The following CPNE2 variants were observed in gnomAD, a reference collection of about 807,000 sequenced individuals.
CPNE2 encodes the protein copine-2.
A neutral mutation model predicts 69.7 loss-of-function variants in CPNE2; 42 were observed. The ratio of observed to expected loss-of-function variants is 0.60; its 90% CI spans 0.47 to 0.78. The LOEUF (loss-of-function observed/expected upper bound fraction) is 0.78. Among genes scored for constraint, CPNE2 ranks in the 30% least tolerant of loss-of-function variants. The probability of loss-of-function intolerance (pLI) is 0.00; values close to 1 mark genes in which losing one functional copy is unlikely to be tolerated. For missense variants in CPNE2, 587 were observed against 732.0 expected, an observed-to-expected ratio of 0.80 and a Z score of 2.29; for synonymous variants, 294 against 289.8, an observed-to-expected ratio of 1.01 and a Z score of -0.15.
chr16:57,118,195 C>T (rs1335071545), intron 5 of CPNE2, among the ~76,000 whole-genome samples: 3 of 147,824 alleles, frequency 2.0e-5, no homozygotes, highest in Non-Finnish European at 4.5e-5. Context: ...AGACAGAGTC[C>T]TGCTCTGTTG....
At chr16:57,117,833 G>T (rs555501616) in intron 5 of CPNE2, among the ~76,000 whole-genome samples, 1 of 152,058 alleles carries the variant, frequency 6.6e-6, no homozygotes, top group South Asian at 2.1e-4. Flanking sequence ...ACATTCCAAG[G>T]TCCTTACCCA....
intron 5 of CPNE2, 25 bp downstream of exon 5, chr16:57,117,592 C>G: frequency 1.9e-6 from 3 of 1,610,492 alleles, no homozygotes; most frequent in Non-Finnish European, 2.5e-6. Flanking sequence ...GGAAGGGCTC[C>G]CATTGGGAAC....
intron 9 of CPNE2, among the ~76,000 whole-genome samples, chr16:57,122,466 G>C (rs576493724): frequency 7.4e-4 from 113 of 152,360 alleles, no homozygotes; most frequent in African/African-American, 2.5e-3. Flanking sequence ...AGGTCAAGAT[G>C]TCAGGTTGCA....
rs751938367 is a variant in CPNE2, at chr16:57,134,757, G to A, written c.1117-18G>A. On this transcript the variant is annotated intron_variant, in intron 12 of 15. Coordinates refer to ENST00000290776, the MANE Select transcript of CPNE2 (RefSeq NM_152727.6). ...TGGGGGCGGGAGGCTGCAGCTCAGC[G>A]TTTTCTCTGCGTTTCAGGTCTCCCA... 7.4e-6 allele frequency: 12 copies of A among 1,613,760 alleles called. No homozygotes were observed. The highest frequency in any genetic ancestry group is 2.7e-5 in the African/African-American group (2 of 74,874).
chr16:57,113,124 A>C (rs1597493932), intron 2 of CPNE2, 164 bp from the exon 3 acceptor site: 1 of 643,102 alleles, frequency 1.6e-6, no homozygotes, highest in African/African-American at 1.8e-5. Context: ...TCTGTGCTTC[A>C]GTGTCCTTGT....
chr16:57,101,876 C>CAGG (rs2069616055), intron 1 of CPNE2, among the ~76,000 whole-genome samples: 2 of 152,324 alleles, frequency 1.3e-5, no homozygotes, highest in East Asian at 3.9e-4. Flanking sequence ...TGTTAAAACA[C>CAGG]AGGCCTACGG....
chr16:57,146,347 GGGCGGTTAC>G lies in CPNE2; in HGVS notation c.1539+27_1539+35del. The G allele has an allele frequency of 6.6e-7, 1 of 1,521,120 alleles. No homozygotes were observed. The highest frequency in any genetic ancestry group is 1.2e-5 in the South Asian group (1 of 80,420). The allele number at this position is 1,521,120 out of a possible 1,614,324, so 94.2% of individuals were successfully genotyped here. ...GTGAGTGTGGGCCTGGGCTGGGAGG[GGGCGGTTAC>G]AGGATCCCAGCCACCATAGCTCATA... On this transcript the variant is annotated intron_variant, in intron 15 of 15. Coordinates refer to ENST00000290776, the MANE Select transcript of CPNE2 (RefSeq NM_152727.6). This position sits in a 1 kb window ranked among gnomAD's most constrained non-coding sequence, Gnocchi z 4.4.
At chr16:57,112,789 G>A (rs11862500) in intron 2 of CPNE2, 48,688 of 153,044 alleles carry the variant, frequency 0.32, 9,796 homozygotes, top group African/African-American at 0.58. Flanking sequence ...CACCTCCCCC[G>A]AAGAATCCTC....
At chr16:57,133,107 T>G (rs2069850165) in intron 12 of CPNE2, among the ~76,000 whole-genome samples, 1 of 152,082 alleles carries the variant, frequency 6.6e-6, no homozygotes, top group African/African-American at 2.4e-5. Context: ...TCTCAGCCCC[T>G]CCATACAAGC....
intron 1 of CPNE2, chr16:57,094,130 G>A (rs1442921849): frequency 2.2e-6 from 1 of 455,400 alleles, no homozygotes; most frequent in Non-Finnish European, 4.4e-6. Context: ...GGATTGGAAG[G>A]GGTCACCCAG....
At chr16:57,144,093 T>A (rs1167433928) in intron 14 of CPNE2, 1 of 152,256 alleles carries the variant, frequency 6.6e-6, no homozygotes, top group African/African-American at 2.4e-5. Flanking sequence ...CCAGGAACAG[T>A]GGTGGGCTGT....
In CPNE2 at chr16:57,092,966, A is replaced by G. The variant is rs2069553717; in HGVS notation, c.-36+176A>G. ...CCGGACTCCGGCGCTTCGGTGACTC[A>G]GCTCCGACCCGGCCACGCGGGGGCG... On this transcript the variant is annotated intron_variant, in intron 1 of 15. Coordinates refer to ENST00000290776, the MANE Select transcript of CPNE2 (RefSeq NM_152727.6). This position sits in a 1 kb window ranked among gnomAD's most constrained non-coding sequence, Gnocchi z 5.3. Among the ~76,000 whole-genome samples the G allele has an allele frequency of 6.6e-6, 1 of 152,064 alleles. No individual in the cohort carries two copies. Among genetic ancestry groups the G allele is most frequent in the Middle Eastern group, 3.4e-3 (1 of 292 alleles).
In CPNE2 at chr16:57,130,827, G is replaced by C. The variant is rs2069832726; in HGVS notation, c.1116+2924G>C. Among the ~76,000 whole-genome samples, 1 of 152,088 alleles carries C rather than the reference G, an allele frequency of 6.6e-6. No individual in the cohort carries two copies. The highest frequency in any genetic ancestry group is 1.5e-5 in the Non-Finnish European group (1 of 68,034). On this transcript the variant is annotated intron_variant, in intron 12 of 15. Transcript: ENST00000290776. The surrounding 1 kb of genome is among the most constrained non-coding windows in gnomAD (Gnocchi z 4.1). The stretch of plus-strand genomic sequence containing the variant: ...CAGCGTGGAAGTCAACTGGCTGTGA[G>C]GGAGGGGAAGGGTTAGGTCAAGCAG...
Position 57,137,276 on chromosome 16 carries a change from G to A in CPNE2, c.1296G>A (p.Thr432=), listed in dbSNP as rs940086346. 7.2e-5 allele frequency: 117 copies of A among 1,613,952 alleles called. No individual in the cohort carries two copies. Among genetic ancestry groups the A allele is most frequent in the Non-Finnish European group, 9.3e-5 (110 of 1,180,010 alleles). The part of the protein sequence containing the change: ...RFAAQATQQR[T]ATQYFILLII... ...CGGCCCAGGCCACACAACAGCGGAC[G>A]GCCACGGTGAGTAGGCAGCTGCAAG... Residue 432 remains threonine, a synonymous_variant, in exon 14 of 16, where the codon ACG becomes ACA. Coordinates refer to ENST00000290776, the MANE Select transcript of CPNE2 (RefSeq NM_152727.6).
intron 13 of CPNE2, among the ~76,000 whole-genome samples, chr16:57,135,276 G>T (rs948279004): frequency 2.2e-5 from 3 of 134,364 alleles, no homozygotes; most frequent in African/African-American, 8.3e-5. Flanking sequence ...ACTTGGCGGG[G>T]GATCAGGGGG....
intron 14 of CPNE2, chr16:57,145,799 A>T: frequency 4.3e-6 from 2 of 461,366 alleles, no homozygotes; most frequent in East Asian, 8.6e-5. Flanking sequence ...CCCAGAGTCC[A>T]GGGCTCTCAG....
rs1407468561 is a variant in CPNE2 at position 57,146,492 on chromosome 16, C to T, written c.1539+171C>T. ...TGCCAGGCGCCGTGCCAGGCCTTGC[C>T]CCGGTGGTGGCCATTGTGATAGTGT... is the stretch of plus-strand genomic sequence containing the variant. On this transcript the variant is annotated intron_variant, in intron 15 of 15. Transcript: ENST00000290776. The surrounding 1 kb of genome is among the most constrained non-coding windows in gnomAD (Gnocchi z 4.4). 1.6e-6 allele frequency: 1 copy of T among 632,672 alleles called. No individual in the cohort carries two copies. Among genetic ancestry groups the T allele is most frequent in the East Asian group, 2.8e-5 (1 of 35,804 alleles). The allele number at this position is 632,672 out of a possible 1,614,324, so 39.2% of individuals were successfully genotyped here. A position where few individuals can be genotyped will look rare whatever the true frequency, so the allele number is the denominator to read the frequency against.
chr16:57,112,740 C>T (rs1265557714), intron 2 of CPNE2: 2 of 152,656 alleles, frequency 1.3e-5, no homozygotes, highest in Admixed American at 1.3e-4. Flanking sequence ...ATACAAGATA[C>T]AAATATCTCC....
intron 10 of CPNE2, chr16:57,125,579 G>C: frequency 2.1e-6 from 1 of 473,420 alleles, no homozygotes; most frequent in South Asian, 2.1e-5. Flanking sequence ...TGTGGATAGG[G>C]ATAGTAAGGA....
Sources: allele counts gnomAD v4.1 joint callset (sites outside exome capture counted in the v4.1 genomes callset), GRCh38; gene constraint gnomAD v4.1.1; non-coding constraint Gnocchi (gnomAD v3.1); transcripts MANE v1.5; gene names NCBI Gene and HGNC (gene_info 2026-07-23, HGNC 2026-07-21).